The following RERE variants were observed in gnomAD, a reference collection of about 807,000 sequenced individuals.
RERE encodes the protein arginine-glutamic acid dipeptide repeats protein.
Under a neutral mutation model 146.1 loss-of-function variants are expected in RERE, and 40 were observed. The observed-to-expected ratio is 0.27, with a 90% CI of 0.21 to 0.36. The LOEUF (loss-of-function observed/expected upper bound fraction) is 0.36, where lower values mean the gene tolerates loss of function less well. Among genes scored for constraint, RERE ranks in the 10% least tolerant of loss-of-function variants. The pLI, the probability that RERE is intolerant of heterozygous loss-of-function variation, is 1.00. For missense variants in RERE, 1,933 were observed against 2,138.7 expected (o/e 0.90, Z 1.90); for synonymous variants, 1,003 against 866.0 (o/e 1.16, Z -2.78).
rs1323539247 is a variant in RERE at position 8,500,747 on chromosome 1, T to A, written c.880-3218A>T. On this transcript the variant is annotated intron_variant, in intron 8 of 22. Coordinates refer to ENST00000400908, the MANE Select transcript of RERE (RefSeq NM_001042681.2). ...GAGGAGCGTCTCTGCCCGGCCGCCA[T>A]CCCATCTAGGAAGCGAGGAGCGCCT... Among the ~76,000 whole-genome samples the A allele has an allele frequency of 2.1e-5, 3 of 141,906 alleles. No individual in the cohort carries two copies. The East Asian group carries it at 6.4e-4, about 30-fold the overall frequency. The allele number at this position is 141,906 out of a possible 152,430, so 93.1% of individuals were successfully genotyped here. A position where few individuals can be genotyped will look rare whatever the true frequency, so the allele number is the denominator to read the frequency against.
chr1:8,536,590 G>A (rs751305468), intron 7 of RERE, among the ~76,000 whole-genome samples: 2 of 152,178 alleles, frequency 1.3e-5, no homozygotes, highest in African/African-American at 4.8e-5. Context: ...AGACCTCTGA[G>A]CTGAAATTTA....
rs1214409086 is a variant in RERE, at chr1:8,655,965, C to T, written c.325+8G>A. 1.9e-6 allele frequency: 3 copies of T among 1,611,396 alleles called. No individual in the cohort carries two copies. The highest frequency in any genetic ancestry group is 2.5e-6 in the Non-Finnish European group (3 of 1,178,838). ...ACATTGGCAAGACCCAAACGTAAGG[C>T]TCCTTACCTCCTGGTCTGTAGACCA... On this transcript the variant is annotated splice_region_variant and intron_variant, in intron 2 of 22. Coordinates refer to ENST00000400908, the MANE Select transcript of RERE (RefSeq NM_001042681.2).
intron 12 of RERE, among the ~76,000 whole-genome samples, chr1:8,410,290 G>A (rs895035864): frequency 9.9e-5 from 15 of 152,128 alleles, no homozygotes; most frequent in Non-Finnish European, 1.2e-4. Context: ...ACAAAGGGCC[G>A]AATGATAAAG....
intron 4 of RERE, among the ~76,000 whole-genome samples, chr1:8,569,797 C>T (rs993257423): frequency 6.6e-6 from 1 of 151,912 alleles, no homozygotes; most frequent in Non-Finnish European, 1.5e-5. Flanking sequence ...GAGACTGAGG[C>T]GGTAGGATCT....
At chr1:8,644,630 C>G (rs1022130108) in intron 2 of RERE, among the ~76,000 whole-genome samples, 4 of 152,134 alleles carry the variant, frequency 2.6e-5, no homozygotes, top group Admixed American at 6.5e-5. Context: ...CACCATTAGC[C>G]TATGTATTCT....
At chr1:8,550,549 GT>G (rs1557682797) in intron 6 of RERE, among the ~76,000 whole-genome samples, 2 of 151,850 alleles carry the variant, frequency 1.3e-5, no homozygotes, top group South Asian at 2.1e-4. Context: ...TGTTGTTGTT[GT>G]TTTTTGTTTT....
chr1:8,564,997 CAT>C (rs1279025520), intron 4 of RERE, among the ~76,000 whole-genome samples: 1 of 152,042 alleles, frequency 6.6e-6, no homozygotes, highest in Non-Finnish European at 1.5e-5. Flanking sequence ...ACAAATACCA[CAT>C]GTGCTTATTA....
intron 6 of RERE, among the ~76,000 whole-genome samples, chr1:8,554,394 T>C (rs539662790): frequency 6.6e-6 from 1 of 151,938 alleles, no homozygotes; most frequent in South Asian, 2.1e-4. Flanking sequence ...GTAAGAAGTA[T>C]TCCAGGATTT....
intron 12 of RERE, among the ~76,000 whole-genome samples, chr1:8,376,643 A>G (rs1057086621): frequency 6.6e-6 from 1 of 152,230 alleles, no homozygotes; most frequent in Admixed American, 6.5e-5. Flanking sequence ...TCTAGGCAAC[A>G]TATGTCCCAG....
intron 4 of RERE, among the ~76,000 whole-genome samples, chr1:8,582,146 C>T (rs187857800): frequency 4.7e-4 from 72 of 152,256 alleles, no homozygotes; most frequent in Non-Finnish European, 7.3e-4. Flanking sequence ...AGCTACCACA[C>T]AGTTGCTCCT....
rs1641281672 is a variant in RERE at position 8,356,092 on chromosome 1, A to C, written c.4486+8T>G. 1 of 1,491,132 alleles carries C rather than the reference A, an allele frequency of 6.7e-7. No homozygotes were observed. Among genetic ancestry groups the C allele is most frequent in the Non-Finnish European group, 8.9e-7 (1 of 1,123,284 alleles). The allele number at this position is 1,491,132 out of a possible 1,614,324, so 92.4% of individuals were successfully genotyped here. ...GCCTCCCCGCCCCTCCTGGAGGGGA[A>C]GTCTTACCGAAAACTGGGTGGCGAA... is the stretch of plus-strand genomic sequence containing the variant. On this transcript the variant is annotated splice_region_variant and intron_variant, in intron 21 of 22. Coordinates refer to ENST00000400908, the MANE Select transcript of RERE (RefSeq NM_001042681.2). The surrounding 1 kb of genome is among the most constrained non-coding windows in gnomAD (Gnocchi z 5.2).
At chr1:8,373,618 G>A (rs898381275) in intron 12 of RERE, among the ~76,000 whole-genome samples, 14 of 152,162 alleles carry the variant, frequency 9.2e-5, no homozygotes, top group African/African-American at 3.4e-4. Context: ...CCTGAGAGCC[G>A]GTCCCAGGAA....
In RERE at chr1:8,358,218, G is replaced by A. The variant is rs376123604; in HGVS notation, c.4317C>T (p.His1439=). 8.1e-6 allele frequency: 13 copies of A among 1,595,900 alleles called. No individual in the cohort carries two copies. Among genetic ancestry groups the A allele is most frequent in the Middle Eastern group, 1.7e-4 (1 of 6,026 alleles). ...HSHIHSHLHL[H]QQDPLHQGSA... ...CACCTTGGTGGAGGGGGTCCTGCTG[G>A]TGGAGGTGGAGGTGGGAGTGAATGT... Residue 1439 remains histidine, a synonymous_variant, in exon 20 of 23, where the codon CAC becomes CAT. Coordinates refer to ENST00000400908, the MANE Select transcript of RERE (RefSeq NM_001042681.2).
At chr1:8,669,747 T>C (rs148137000) in intron 1 of RERE, among the ~76,000 whole-genome samples, 116 of 152,366 alleles carry the variant, frequency 7.6e-4, no homozygotes, top group African/African-American at 2.7e-3. Context: ...CTGTATAGCA[T>C]GTTCAAAAGT....
At chr1:8,412,958 A>AT (rs1047928803) in intron 12 of RERE, among the ~76,000 whole-genome samples, 79 of 151,830 alleles carry the variant, frequency 5.2e-4, no homozygotes, top group East Asian at 7.7e-4. Flanking sequence ...CTGTTGATGG[A>AT]TTTTTTTTTC....
intron 1 of RERE, among the ~76,000 whole-genome samples, chr1:8,715,609 T>C (rs1357090429): frequency 6.7e-6 from 1 of 150,198 alleles, no homozygotes; most frequent in Admixed American, 6.6e-5. Flanking sequence ...GTAGAAGATA[T>C]ATAAAAGGTG....
At chr1:8,398,731 G>A (rs1178614270) in intron 12 of RERE, among the ~76,000 whole-genome samples, 1 of 152,174 alleles carries the variant, frequency 6.6e-6, no homozygotes, top group African/African-American at 2.4e-5. Context: ...TGACTCTGAT[G>A]ACCAGTTGGG....
chr1:8,748,105 G>A (rs953213754), intron 1 of RERE, among the ~76,000 whole-genome samples: 3 of 152,118 alleles, frequency 2.0e-5, no homozygotes, highest in African/African-American at 7.2e-5. Flanking sequence ...TTAAGTAGTT[G>A]TATACAACTA....
At position 8,364,845 on chromosome 1, in the gene RERE, G is replaced by GT; in HGVS notation, c.1448-8dup. The GT allele has an allele frequency of 6.2e-7, 1 of 1,610,716 alleles. No individual in the cohort carries two copies. Among genetic ancestry groups the GT allele is most frequent in the Non-Finnish European group, 8.5e-7 (1 of 1,178,174 alleles). On this transcript the variant is annotated splice_region_variant and splice_polypyrimidine_tract_variant and intron_variant, in intron 13 of 22. Coordinates refer to ENST00000400908, the MANE Select transcript of RERE (RefSeq NM_001042681.2). This position sits in a 1 kb window ranked among gnomAD's most constrained non-coding sequence, Gnocchi z 5.1. ...CTGGCTGAACTTAGGTCCACTGGGC[G>GT]TGGCAGGCACATAGTGGGGGTGGGG...
Sources: gnomAD v4.1 joint callset for allele counts (sites outside exome capture counted in the v4.1 genomes callset) on GRCh38, gnomAD v4.1.1 for gene constraint, Gnocchi (gnomAD v3.1) non-coding constraint, MANE v1.5 for transcripts, NCBI Gene and HGNC (gene_info 2026-07-23, HGNC 2026-07-21) for gene names.